Variants in ROBO2 observed in about 807,000 individuals in gnomAD.
The protein encoded by ROBO2 is roundabout guidance receptor 2.
ROBO2 carries 53 observed loss-of-function variants against 160.8 expected under a neutral mutation model. The observed-to-expected ratio is 0.33, with a 90% CI of 0.26 to 0.41. The LOEUF (loss-of-function observed/expected upper bound fraction) is 0.41, where lower values mean the gene tolerates loss of function less well. Among genes scored for constraint, ROBO2 ranks in the 10% least tolerant of loss-of-function variants. The pLI, the probability that ROBO2 is intolerant of heterozygous loss-of-function variation, is 1.00. For missense variants in ROBO2, 1,577 were observed against 1,722.4 expected (o/e 0.92, Z 1.49); for synonymous variants, 664 against 611.7 (o/e 1.09, Z -1.26).
intron 2 of ROBO2, among the ~76,000 whole-genome samples, chr3:76,771,761 T>A (rs2061920389): frequency 6.6e-6 from 1 of 151,124 alleles, no homozygotes; most frequent in African/African-American, 2.4e-5. Context: ...TTTAAAACTC[T>A]GGGGAAAATA....
At chr3:77,188,333 C>CA (rs11456154) in intron 2 of ROBO2, among the ~76,000 whole-genome samples, 67,787 of 151,434 alleles carry the variant, frequency 0.45, 15,608 homozygotes, top group Middle Eastern at 0.6. Flanking sequence ...TAATATTAGT[C>CA]AAACAGAGCT....
chr3:76,294,706 T>C (rs949978541), intron 2 of ROBO2, among the ~76,000 whole-genome samples: 2 of 152,188 alleles, frequency 1.3e-5, no homozygotes, highest in Admixed American at 1.3e-4. Flanking sequence ...AAGTGGAATA[T>C]TTGTCTATAA....
intron 2 of ROBO2, among the ~76,000 whole-genome samples, chr3:76,416,096 A>AT (rs2075746772): frequency 6.6e-6 from 1 of 152,076 alleles, no homozygotes; most frequent in South Asian, 2.1e-4. Context: ...GCAATATGTT[A>AT]TTTTTTTCCA....
At chr3:77,528,686 G>A (rs76582651) in intron 6 of ROBO2, among the ~76,000 whole-genome samples, 1,933 of 151,628 alleles carry the variant, frequency 0.013, 16 homozygotes, top group Non-Finnish European at 0.018. Flanking sequence ...ATATGTGAAA[G>A]GCATTCTGTA....
intron 2 of ROBO2, among the ~76,000 whole-genome samples, chr3:76,784,378 G>T (rs188353847): frequency 2.0e-5 from 3 of 151,094 alleles, no homozygotes; most frequent in South Asian, 2.1e-4. Context: ...TCTTGGGATT[G>T]TGTGTCTTCT....
At chr3:77,572,667 A>ACACT (rs2093667101) in intron 13 of ROBO2, among the ~76,000 whole-genome samples, 1 of 149,386 alleles carries the variant, frequency 6.7e-6, no homozygotes, top group African/African-American at 2.5e-5. Flanking sequence ...ACACACACAC[A>ACACT]CTCACTTAAT....
At chr3:76,450,930 A>G (rs1004417593) in intron 2 of ROBO2, among the ~76,000 whole-genome samples, 1 of 152,174 alleles carries the variant, frequency 6.6e-6, no homozygotes, top group African/African-American at 2.4e-5. Context: ...GTCCTGTGGT[A>G]GCATCCAACC....
intron 21 of ROBO2, among the ~76,000 whole-genome samples, chr3:77,614,118 T>C (rs1280247530): frequency 6.6e-6 from 1 of 152,208 alleles, no homozygotes; most frequent in Non-Finnish European, 1.5e-5. Context: ...ACATATTCAA[T>C]GGATGGAATA....
chr3:77,622,386 C>G (rs2094920735), exon 23 of ROBO2: 1 of 1,613,906 alleles, frequency 6.2e-7, no homozygotes. Context: ...GAGCACTGGA[C>G]CAGACTCCTG....
intron 20 of ROBO2, among the ~76,000 whole-genome samples, chr3:77,607,283 A>G (rs2094543837): frequency 6.6e-6 from 1 of 152,190 alleles, no homozygotes; most frequent in African/African-American, 2.4e-5. Flanking sequence ...ATTTACAGGT[A>G]TTTTCCTGAT....
At chr3:76,579,341 A>G (rs1374208053) in intron 2 of ROBO2, among the ~76,000 whole-genome samples, 1 of 152,056 alleles carries the variant, frequency 6.6e-6, no homozygotes, top group Non-Finnish European at 1.5e-5. Flanking sequence ...GCATCTTATG[A>G]TTTATTTTAC....
chr3:76,439,173 G>T (rs1433297725), intron 2 of ROBO2, among the ~76,000 whole-genome samples: 2 of 152,132 alleles, frequency 1.3e-5, no homozygotes, highest in Non-Finnish European at 2.9e-5. Context: ...AATGCCAACT[G>T]CATGACAAGT....
Position 77,111,348 on chromosome 3 carries a change from A to C in ROBO2, c.388+13008A>C, listed in dbSNP as rs546884804. Among the ~76,000 whole-genome samples, 27 of 152,226 alleles carry C rather than the reference A, an allele frequency of 1.8e-4. 1 individual carries two copies. The South Asian group carries it at 4.8e-3, about 27-fold the overall frequency. ...AGTAGTATCTCTCTTAGATCCTGTG[A>C]ATCTATACTTAGTACAAAATAAAAT... On this transcript the variant is annotated intron_variant, in intron 2 of 25. Coordinates refer to ENST00000461745, the Ensembl canonical transcript of ROBO2.
At chr3:77,562,505 A>T (rs2093353861) in intron 9 of ROBO2, 146 bp from the exon 11 acceptor site, 1 of 606,546 alleles carries the variant, frequency 1.6e-6, no homozygotes, top group South Asian at 1.8e-5. Flanking sequence ...TATTTTATGT[A>T]TACATATGAT....
intron 2 of ROBO2, among the ~76,000 whole-genome samples, chr3:77,400,395 G>T (rs1477147805): frequency 6.6e-6 from 1 of 152,056 alleles, no homozygotes. Context: ...ATCAACTATT[G>T]ATCATGTGAA....
At chr3:76,027,933 C>G (rs1483449584) in intron 2 of ROBO2, among the ~76,000 whole-genome samples, 1 of 151,876 alleles carries the variant, frequency 6.6e-6, no homozygotes, top group African/African-American at 2.4e-5. Context: ...CTGGAAACAT[C>G]AAGCAACCTA....
At chr3:77,115,683 G>A (rs1261065655) in intron 2 of ROBO2, among the ~76,000 whole-genome samples, 3 of 152,124 alleles carry the variant, frequency 2.0e-5, no homozygotes, top group South Asian at 2.1e-4. Context: ...TTGTTTGGGA[G>A]TTTAAAGATA....
intron 2 of ROBO2, among the ~76,000 whole-genome samples, chr3:77,127,790 T>C (rs1005101495): frequency 4.6e-5 from 7 of 152,166 alleles, no homozygotes; most frequent in Admixed American, 1.3e-4. Flanking sequence ...AATTAAAGAA[T>C]ATGTAATAAT....
intron 2 of ROBO2, among the ~76,000 whole-genome samples, chr3:76,322,603 GT>G (rs2107907083): frequency 6.6e-6 from 1 of 152,204 alleles, no homozygotes; most frequent in Admixed American, 6.5e-5. Context: ...GTGATAGCAT[GT>G]TTTTCCCAAG....
Sources: allele counts gnomAD v4.1 joint callset (sites outside exome capture counted in the v4.1 genomes callset), GRCh38; gene constraint gnomAD v4.1.1; transcripts MANE v1.5; gene names NCBI Gene and HGNC (gene_info 2026-07-23, HGNC 2026-07-21).